The following GMNC variants were observed in gnomAD, a reference collection of about 807,000 sequenced individuals.
The protein encoded by GMNC is geminin coiled-coil domain-containing protein 1.
Under a neutral mutation model 33.6 loss-of-function variants are expected in GMNC, and 16 were observed. That is an observed-to-expected ratio of 0.48 (90% CI 0.32 to 0.72). GMNC has a LOEUF of 0.72. GMNC is among the 30% of genes least tolerant of loss of function. The pLI is 0.03. For synonymous variants in GMNC, 156 were observed against 147.3 expected (o/e 1.06, Z -0.43); for missense variants, 393 against 388.9 (o/e 1.01, Z -0.09).
At chr3:190,846,873 C>T in the GMNC span, among the ~76,000 whole-genome samples, 5 of 152,264 alleles carry the variant, frequency 3.3e-5, no homozygotes, top group South Asian at 2.1e-4. Flanking sequence ...AATATTAGGT[C>T]GCTTTCGTCC....
chr3:190,844,110 G>A, the GMNC span, among the ~76,000 whole-genome samples: 369 of 152,058 alleles, frequency 2.4e-3, 1 homozygote, highest in African/African-American at 8.4e-3. Context: ...GTCATATAAC[G>A]TTTTTTCTCT....
downstream of GMNC, among the ~76,000 whole-genome samples, chr3:190,850,712 T>G (rs1052340572): frequency 4.6e-5 from 7 of 152,178 alleles, no homozygotes; most frequent in African/African-American, 1.7e-4. Flanking sequence ...AAAAAGCTGG[T>G]TTTAGCTGAA....
downstream of GMNC, among the ~76,000 whole-genome samples, chr3:190,848,967 T>A (rs973169895): frequency 6.6e-6 from 1 of 152,172 alleles, no homozygotes; most frequent in African/African-American, 2.4e-5. Context: ...ATAATTACTA[T>A]ACATATTAAA....
rs1305110564 is a variant in GMNC at position 190,854,477 on chromosome 3, A to G, written c.*818T>C. 2.0e-5 allele frequency: 3 copies of G among 152,154 alleles called. No homozygotes were observed. Among genetic ancestry groups the G allele is most frequent in the Non-Finnish European group, 2.9e-5 (2 of 68,004 alleles). 9.4% of individuals were successfully genotyped at this position (152,154 alleles called of 1,614,324 possible). A position where few individuals can be genotyped will look rare whatever the true frequency, so the allele number is the denominator to read the frequency against. On this transcript the variant is annotated 3_prime_UTR_variant, in exon 5 of 5. Coordinates refer to ENST00000442080, the MANE Select transcript of GMNC (RefSeq NM_001146686.3). ...GAGCTAGGTTAGTCTATTTTCAGCA[A>G]TAGGAGTTTGTCAGCATCTGGGTAG...
In GMNC at chr3:190,860,785, G is replaced by A. The variant is rs1737845844; in HGVS notation, c.77C>T (p.Thr26Met). 10 of 1,551,332 alleles carry A rather than the reference G, an allele frequency of 6.4e-6. No homozygotes were observed. The highest frequency in any genetic ancestry group is 1.7e-4 in the Middle Eastern group (1 of 5,974). ...GGAAACGTCAACACTAGATTCTGAC[G>A]TTGTAGTGGAATACGGGCAATTATA... Reference protein sequence around the residue: ...QSYNCPYSTTTSESSVDVSTE... With the variant: ...QSYNCPYSTTMSESSVDVSTE... The change falls in exon 2 of 5, where the codon ACG (threonine) becomes ATG (methionine). Residue 26 changes from threonine to methionine, a missense_variant. Thr to Met is a moderately conservative substitution (Grantham distance 81). Transcript: ENST00000442080.
At chr3:190,860,156 T>A (rs1737830207) in intron 2 of GMNC, among the ~76,000 whole-genome samples, 1 of 152,222 alleles carries the variant, frequency 6.6e-6, no homozygotes. Context: ...CAGATCAAGA[T>A]TAATATGTCA....
rs923463065 is a variant in GMNC, at chr3:190,852,832, G to T, written c.*2463C>A. 6.6e-6 allele frequency: 1 copy of T among 152,060 alleles called. No homozygotes were observed. The highest frequency in any genetic ancestry group is 2.4e-5 in the African/African-American group (1 of 41,420). 9.4% of individuals were successfully genotyped at this position (152,060 alleles called of 1,614,324 possible). ...CACTATAGCTTAAAATATTAACTGT[G>T]GTTTACCAGAGAGACATGGTGAAGC... On this transcript the variant is annotated 3_prime_UTR_variant, in exon 5 of 5. Transcript: ENST00000442080.
rs1373257690 is a variant in GMNC at position 190,861,482 on chromosome 3, CTATCTA to C, written c.4-630_4-625del. On this transcript the variant is annotated intron_variant, in intron 1 of 4. Transcript: ENST00000442080. This position sits in a 1 kb window ranked among gnomAD's most constrained non-coding sequence, Gnocchi z 5.1. ...TCTATCTATCTATCTATCTATCTATCTATCTATCTATCTATCTATCTATCTATCTCT... is the reference window on the plus strand; with the variant it reads ...TCTATCTATCTATCTATCTATCTATCTCTATCTATCTATCTATCTATCTCT... 6.6e-6 allele frequency among the ~76,000 whole-genome samples: 1 copy of C among 151,858 alleles called. No individual in the cohort carries two copies. The highest frequency in any genetic ancestry group is 2.4e-5 in the African/African-American group (1 of 41,314).
intron 1 of GMNC, 49 bp from the exon 2 acceptor site, chr3:190,860,907 A>T: frequency 7.3e-7 from 1 of 1,363,278 alleles, no homozygotes; most frequent in African/African-American, 1.4e-5. Context: ...AGATGGGGTG[A>T]TGGAGATTTA....
chr3:190,848,066 C>T (rs942743447), downstream of GMNC, among the ~76,000 whole-genome samples: 2 of 152,082 alleles, frequency 1.3e-5, no homozygotes, highest in African/African-American at 2.4e-5. Context: ...AGGACATCTA[C>T]GAAAGTTGGA....
At chr3:190,855,937 G>A in intron 4 of GMNC, 22 bp from the exon 5 acceptor site, 1 of 1,492,560 alleles carries the variant, frequency 6.7e-7, no homozygotes, top group Non-Finnish European at 8.9e-7. Context: ...ATATTTGAAA[G>A]TTATACTTTT....
At chr3:190,850,119 G>C (rs1737610739), downstream of GMNC, among the ~76,000 whole-genome samples, 1 of 152,192 alleles carries the variant, frequency 6.6e-6, no homozygotes, top group Admixed American at 6.5e-5. Flanking sequence ...TGAAATGATA[G>C]AGGATGAATT....
chr3:190,862,358 CAGAA>C lies in GMNC; in HGVS notation c.3+251_3+254del, dbSNP rs534162982. On this transcript the variant is annotated intron_variant, in intron 1 of 4. Coordinates refer to ENST00000442080, the MANE Select transcript of GMNC (RefSeq NM_001146686.3). This position sits in a 1 kb window ranked among gnomAD's most constrained non-coding sequence, Gnocchi z 4.5. The stretch of plus-strand genomic sequence containing the variant: ...GAGAAAGTAAGGAAAGTAGTAATAA[CAGAA>C]AGAGAGAGAGAGGGCGAGAGAGAGA... Among the ~76,000 whole-genome samples the C allele has an allele frequency of 0.028, 1,821 of 65,242 alleles. 28 individuals carry two copies. The highest frequency in any genetic ancestry group is 0.091 in the South Asian group (230 of 2,524). The allele number at this position is 65,242 out of a possible 152,430, so 42.8% of individuals were successfully genotyped here. A position where few individuals can be genotyped will look rare whatever the true frequency, so the allele number is the denominator to read the frequency against.
At chr3:190,858,797 T>C (rs1225325580) in intron 3 of GMNC, 131 bp downstream of exon 3, 2 of 544,314 alleles carry the variant, frequency 3.7e-6, no homozygotes, top group East Asian at 6.1e-5. Context: ...GATCTCTCTT[T>C]GGACACACCA....
At chr3:190,858,538 T>C (rs945367049) in intron 3 of GMNC, among the ~76,000 whole-genome samples, 8 of 152,238 alleles carry the variant, frequency 5.3e-5, no homozygotes, top group African/African-American at 1.7e-4. Flanking sequence ...AAATATTTTA[T>C]AATCATTATG....
rs541457580 is a variant in GMNC, at chr3:190,857,226, G to GA, written c.384+556dup. ...AGAAATAGCTCATTTTAAAAGTGGA[G>GA]AAAAAATGTGAATTAAATGATAATG... is the stretch of plus-strand genomic sequence containing the variant. On this transcript the variant is annotated intron_variant, in intron 4 of 4. Transcript: ENST00000442080. Among the ~76,000 whole-genome samples the GA allele has an allele frequency of 2.6e-3, 388 of 151,336 alleles. 4 individuals carry two copies. Among genetic ancestry groups the GA allele is most frequent in the African/African-American group, 8.8e-3 (363 of 41,218 alleles).
rs1491527690 is a variant in GMNC at position 190,862,360 on chromosome 3, GAA to G, written c.3+251_3+252del. ...GAAAGTAAGGAAAGTAGTAATAACA[GAA>G]AGAGAGAGAGAGGGCGAGAGAGAGA... On this transcript the variant is annotated intron_variant, in intron 1 of 4. Coordinates refer to ENST00000442080, the MANE Select transcript of GMNC (RefSeq NM_001146686.3). The surrounding 1 kb of genome is among the most constrained non-coding windows in gnomAD (Gnocchi z 4.5). Among the ~76,000 whole-genome samples, 11 of 146,510 alleles carry G rather than the reference GAA, an allele frequency of 7.5e-5. 1 individual carries two copies. In the East Asian group the frequency reaches 7.8e-4, roughly 10 times the overall value.
rs1400901395 is a variant in GMNC, at chr3:190,862,137, A to G, written c.3+476T>C. Among the ~76,000 whole-genome samples, 2 of 152,116 alleles carry G rather than the reference A, an allele frequency of 1.3e-5. No individual in the cohort carries two copies. The highest frequency in any genetic ancestry group is 2.4e-5 in the African/African-American group (1 of 41,414). Reference sequence around the variant, plus strand: ...TTTTATTTTAAAAGCATGTTTGCAGACTCTTTCCCTGAGGTTTTTTATTTT... The same window carrying G: ...TTTTATTTTAAAAGCATGTTTGCAGGCTCTTTCCCTGAGGTTTTTTATTTT... On this transcript the variant is annotated intron_variant, in intron 1 of 4. Transcript: ENST00000442080. The surrounding 1 kb of genome is among the most constrained non-coding windows in gnomAD (Gnocchi z 4.5).
chr3:190,861,471 T>A lies in GMNC; in HGVS notation c.4-613A>T, dbSNP rs1560038774. ...TCTGCCTATCATCTATCTATCTATC[T>A]ATCTATCTATCTATCTATCTATCTA... On this transcript the variant is annotated intron_variant, in intron 1 of 4. Coordinates refer to ENST00000442080, the MANE Select transcript of GMNC (RefSeq NM_001146686.3). This position sits in a 1 kb window ranked among gnomAD's most constrained non-coding sequence, Gnocchi z 5.1. 1.3e-5 allele frequency among the ~76,000 whole-genome samples: 2 copies of A among 151,116 alleles called. No homozygotes were observed. Among genetic ancestry groups the A allele is most frequent in the Non-Finnish European group, 3.0e-5 (2 of 67,702 alleles).
Sources: gnomAD v4.1 joint callset for allele counts (sites outside exome capture counted in the v4.1 genomes callset) on GRCh38, gnomAD v4.1.1 for gene constraint, Gnocchi (gnomAD v3.1) non-coding constraint, MANE v1.5 for transcripts, NCBI Gene and HGNC (gene_info 2026-07-23, HGNC 2026-07-21) for gene names.